The following RAPGEF6 variants were observed in gnomAD, a reference collection of about 807,000 sequenced individuals.
The protein encoded by RAPGEF6 is PDZ domain containing guanine nucleotide exchange factor (GEF) 2.
Under a neutral mutation model 171.4 loss-of-function variants are expected in RAPGEF6, and 56 were observed. The ratio of observed to expected loss-of-function variants is 0.33; its 90% confidence interval spans 0.26 to 0.41. The LOEUF (loss-of-function observed/expected upper bound fraction) is 0.41, where lower values mean the gene tolerates loss of function less well. Ranked by LOEUF, RAPGEF6 falls within the 10% of genes least tolerant of loss-of-function variation. RAPGEF6 has a pLI of 1.00. For synonymous variants in RAPGEF6, 692 were observed against 650.1 expected, an observed-to-expected ratio of 1.06 and a Z score of -0.98; for missense variants, 1,674 against 1,921.4, an observed-to-expected ratio of 0.87 and a Z score of 2.41.
chr5:131,510,469 T>C lies in RAPGEF6; in HGVS notation c.650A>G (p.Asp217Gly). Residue 217 changes from aspartate to glycine, a missense_variant, in exon 8 of 28, where the codon GAT becomes GGT. Asp to Gly is a moderately conservative substitution (Grantham distance 94, BLOSUM62 -1). This residue lies in a region of RAPGEF6 where 1,116 missense variants were observed against 1,321.5 expected (regional missense o/e 0.84). Transcript: ENST00000509018. ...IYQATESEVG[D>G]VDLTRLPEGP... ...TTCTGGAAGACGTGTCAAATCTACA[T>C]CTCCTACCTCACTCTCCGTAGCCTA... is the stretch of plus-strand genomic sequence containing the variant. 6.2e-7 allele frequency: 1 copy of C among 1,613,790 alleles called. No individual in the cohort carries two copies. Among genetic ancestry groups the C allele is most frequent in the South Asian group, 1.1e-5 (1 of 90,978 alleles).
intron 6 of RAPGEF6, among the ~76,000 whole-genome samples, chr5:131,527,959 G>C (rs891700660): frequency 2.7e-5 from 4 of 149,056 alleles, no homozygotes; most frequent in South Asian, 2.1e-4. Flanking sequence ...AGCTTGCAGT[G>C]AGCCGAAACT....
At chr5:131,579,793 C>CT (rs1213127934) in intron 4 of RAPGEF6, among the ~76,000 whole-genome samples, 2 of 152,198 alleles carry the variant, frequency 1.3e-5, no homozygotes, top group Non-Finnish European at 2.9e-5. Flanking sequence ...ATTTACAATC[C>CT]TTTAGCTAGA....
intron 16 of RAPGEF6, among the ~76,000 whole-genome samples, chr5:131,473,117 G>A (rs1483806826): frequency 6.6e-6 from 1 of 152,030 alleles, no homozygotes; most frequent in East Asian, 1.9e-4. Context: ...ACCATAGCAA[G>A]GTGTTCTCTT....
At chr5:131,604,095 A>C (rs1764406231) in intron 2 of RAPGEF6, among the ~76,000 whole-genome samples, 1 of 152,162 alleles carries the variant, frequency 6.6e-6, no homozygotes, top group Non-Finnish European at 1.5e-5. Context: ...GGTTTTCTCC[A>C]CAGGAGCTTA....
chr5:131,530,159 A>G (rs1156880870), intron 6 of RAPGEF6, among the ~76,000 whole-genome samples: 3 of 151,508 alleles, frequency 2.0e-5, no homozygotes, highest in Non-Finnish European at 4.4e-5. Flanking sequence ...AAAAAAGTAA[A>G]ATAACAAAAA....
At chr5:131,503,155 G>T (rs540677988) in intron 11 of RAPGEF6, among the ~76,000 whole-genome samples, 6 of 152,108 alleles carry the variant, frequency 3.9e-5, no homozygotes, top group Non-Finnish European at 4.4e-5. Context: ...GGATTCTATG[G>T]TGTTTATGTC....
At chr5:131,429,743 G>A (rs112139930) in intron 26 of RAPGEF6, among the ~76,000 whole-genome samples, 255 of 152,214 alleles carry the variant, frequency 1.7e-3, no homozygotes, top group African/African-American at 5.8e-3. Flanking sequence ...TGGTACGGAG[G>A]AACTAATTCC....
intron 14 of RAPGEF6, among the ~76,000 whole-genome samples, chr5:131,491,978 T>G (rs1254700174): frequency 7.9e-5 from 12 of 152,216 alleles, no homozygotes; most frequent in Non-Finnish European, 1.8e-4. Flanking sequence ...ACATTTTTTA[T>G]GTAACAAAGT....
chr5:131,626,115 C>T (rs1022526508), intron 1 of RAPGEF6, among the ~76,000 whole-genome samples: 1 of 152,166 alleles, frequency 6.6e-6, no homozygotes, highest in African/African-American at 2.4e-5. Flanking sequence ...CCTGCTAGTA[C>T]GTCCAGCTTC....
At chr5:131,584,706 G>A (rs1051225599) in intron 4 of RAPGEF6, among the ~76,000 whole-genome samples, 4 of 152,164 alleles carry the variant, frequency 2.6e-5, no homozygotes, top group African/African-American at 9.7e-5. Flanking sequence ...GTGGCCACCA[G>A]GACCCACAGA....
intron 1 of RAPGEF6, among the ~76,000 whole-genome samples, chr5:131,633,468 A>T (rs1183050061): frequency 6.6e-6 from 1 of 152,194 alleles, no homozygotes; most frequent in Non-Finnish European, 1.5e-5. Flanking sequence ...CTTGGCTCAC[A>T]CCTGTAATTC....
intron 6 of RAPGEF6, among the ~76,000 whole-genome samples, chr5:131,532,521 C>A (rs539052595): frequency 6.6e-6 from 1 of 152,126 alleles, no homozygotes; most frequent in Non-Finnish European, 1.5e-5. Flanking sequence ...TCCTGGATTC[C>A]GTGAAACCTT....
At chr5:131,484,705 A>G (rs894264887) in intron 15 of RAPGEF6, among the ~76,000 whole-genome samples, 4 of 152,166 alleles carry the variant, frequency 2.6e-5, no homozygotes, top group African/African-American at 9.7e-5. Flanking sequence ...ACAATCTAAA[A>G]TATCTATCAA....
intron 15 of RAPGEF6, among the ~76,000 whole-genome samples, chr5:131,483,328 A>G (rs1294732317): frequency 9.6e-4 from 140 of 145,934 alleles, no homozygotes; most frequent in African/African-American, 3.4e-3. Context: ...CAACCTGGGC[A>G]ACAGAGTAAG....
chr5:131,571,695 T>C (rs1762297248), intron 4 of RAPGEF6, among the ~76,000 whole-genome samples: 1 of 152,214 alleles, frequency 6.6e-6, no homozygotes, highest in Non-Finnish European at 1.5e-5. Context: ...GCAGGTGTTT[T>C]TGTTTTTAAT....
rs188901815 is a variant in RAPGEF6, at chr5:131,580,357, G to A, written c.281+12026C>T. 3.8e-3 allele frequency among the ~76,000 whole-genome samples: 573 copies of A among 152,080 alleles called. 5 individuals are homozygous for A. Among genetic ancestry groups the A allele is most frequent in the African/African-American group, 0.012 (490 of 41,524 alleles). On this transcript the variant is annotated intron_variant, in intron 4 of 27. Transcript: ENST00000509018. ...GGGCCCACCAAGCCCACGCCCACCC[G>A]GAACTTGTGCTGGCCGCACGAGCGC...
Position 131,427,022 on chromosome 5 carries a change from G to C in RAPGEF6, c.*244C>G, listed in dbSNP as rs970493191. ...GTAACTGTGGTCCCAAGGCAGTTCC[G>C]GCGTGCAAAGTGGAGACTGGTATCC... is the stretch of plus-strand genomic sequence containing the variant. On this transcript the variant is annotated 3_prime_UTR_variant, in exon 28 of 28. Coordinates refer to ENST00000509018, the MANE Select transcript of RAPGEF6 (RefSeq NM_016340.6). The C allele has an allele frequency of 1.2e-5, 6 of 513,528 alleles. No individual in the cohort carries two copies. In the Admixed American group the frequency reaches 1.9e-4, roughly 16 times the overall value. 31.8% of individuals were successfully genotyped at this position (513,528 alleles called of 1,614,324 possible).
chr5:131,464,374 A>T (rs1467185391), intron 17 of RAPGEF6, 93 bp from the exon 18 acceptor site: 2 of 873,638 alleles, frequency 2.3e-6, no homozygotes, highest in South Asian at 2.9e-5. Context: ...ATCCCTCTGA[A>T]CACTGAAATA....
chr5:131,447,113 G>C (rs1381915042), intron 21 of RAPGEF6: 1 of 167,514 alleles, frequency 6.0e-6, no homozygotes, highest in Non-Finnish European at 1.3e-5. Flanking sequence ...TAGCAATGAG[G>C]GTTCTAAAGT....
Sources: allele counts gnomAD v4.1 joint callset (sites outside exome capture counted in the v4.1 genomes callset), GRCh38; gene constraint gnomAD v4.1.1; regional missense constraint gnomAD v4.1.1; transcripts MANE v1.5; gene names NCBI Gene and HGNC (gene_info 2026-07-23, HGNC 2026-07-21).